The following PTPRD variants were observed in gnomAD, a reference collection of about 807,000 sequenced individuals.
PTPRD encodes the protein protein tyrosine phosphatase receptor type D.
A neutral mutation model predicts 214.5 loss-of-function variants in PTPRD; 34 were observed. The observed-to-expected ratio is 0.16, with a 90% CI of 0.12 to 0.21. The LOEUF is 0.21. Among genes scored for constraint, PTPRD ranks in the 10% least tolerant of loss-of-function variants. PTPRD has a pLI of 1.00. For missense variants in PTPRD, 2,545 were observed against 2,398.7 expected (o/e 1.06, Z -1.27); for synonymous variants, 1,128 against 845.7 (o/e 1.33, Z -5.79).
At chr9:10,152,300 G>C (rs2099066291) in intron 3 of PTPRD, among the ~76,000 whole-genome samples, 1 of 151,930 alleles carries the variant, frequency 6.6e-6, no homozygotes, top group African/African-American at 2.4e-5. Context: ...TTTTTATGTG[G>C]TTATATATTA....
At chr9:9,205,811 C>T (rs2099944517) in intron 9 of PTPRD, among the ~76,000 whole-genome samples, 1 of 152,120 alleles carries the variant, frequency 6.6e-6, no homozygotes, top group African/African-American at 2.4e-5. Flanking sequence ...GAAGATTGTA[C>T]ATGCAGCAGT....
intron 3 of PTPRD, among the ~76,000 whole-genome samples, chr9:10,209,124 T>G (rs1394553676): frequency 6.6e-6 from 1 of 152,162 alleles, no homozygotes; most frequent in Non-Finnish European, 1.5e-5. Flanking sequence ...ACAATATTAT[T>G]TATGAAATTG....
At chr9:9,554,645 C>T (rs1187604364) in intron 8 of PTPRD, among the ~76,000 whole-genome samples, 3 of 151,994 alleles carry the variant, frequency 2.0e-5, no homozygotes, top group Admixed American at 2.0e-4. Context: ...GAAATGAACA[C>T]TTGAGGCTTG....
chr9:8,498,093 A>G (rs1317124365), intron 25 of PTPRD, among the ~76,000 whole-genome samples: 6 of 152,126 alleles, frequency 3.9e-5, no homozygotes, highest in Admixed American at 6.5e-5. Context: ...ACGAAGCACT[A>G]CTGCATTTAC....
chr9:10,510,205 C>T (rs2047520997), intron 2 of PTPRD, among the ~76,000 whole-genome samples: 1 of 152,036 alleles, frequency 6.6e-6, no homozygotes, highest in Non-Finnish European at 1.5e-5. Context: ...TCCTTTCTTT[C>T]CCATACCACT....
At chr9:10,406,670 G>A (rs1268110657) in intron 2 of PTPRD, among the ~76,000 whole-genome samples, 1 of 151,604 alleles carries the variant, frequency 6.6e-6, no homozygotes, top group African/African-American at 2.4e-5. Flanking sequence ...TATGACAGAA[G>A]AATTTTCACT....
At chr9:8,680,890 C>G (rs1336880400) in intron 12 of PTPRD, among the ~76,000 whole-genome samples, 1 of 152,128 alleles carries the variant, frequency 6.6e-6, no homozygotes, top group Non-Finnish European at 1.5e-5. Flanking sequence ...CCTCACGGGA[C>G]TGATTTGAGT....
At chr9:9,105,329 T>C (rs745871773) in intron 10 of PTPRD, among the ~76,000 whole-genome samples, 23 of 120,348 alleles carry the variant, frequency 1.9e-4, no homozygotes, top group Admixed American at 1.4e-3. Context: ...TTATGCATTG[T>C]TGATTTTGTT....
intron 35 of PTPRD, among the ~76,000 whole-genome samples, chr9:8,426,502 T>G (rs1463163334): frequency 3.9e-5 from 6 of 152,180 alleles, no homozygotes; most frequent in African/African-American, 1.4e-4. Flanking sequence ...AAAGCTTGCT[T>G]TGGAAGCAGA....
At chr9:9,612,750 G>C (rs73641337) in intron 7 of PTPRD, among the ~76,000 whole-genome samples, 37,921 of 151,928 alleles carry the variant, frequency 0.25, 4,979 homozygotes, top group Non-Finnish European at 0.28. Flanking sequence ...AATTCTTCAA[G>C]AGCAGCCTCT....
chr9:8,463,869 G>T (rs901755395), intron 32 of PTPRD, among the ~76,000 whole-genome samples: 1 of 151,768 alleles, frequency 6.6e-6, no homozygotes, highest in Non-Finnish European at 1.5e-5. Flanking sequence ...TTACACAAAG[G>T]CTTTATTACT....
At chr9:9,766,391 A>C (rs2098707290) in intron 6 of PTPRD, among the ~76,000 whole-genome samples, 1 of 152,094 alleles carries the variant, frequency 6.6e-6, no homozygotes, top group Non-Finnish European at 1.5e-5. Flanking sequence ...TTTTAATTCT[A>C]AATGTATTTC....
chr9:10,409,445 T>C (rs929754928), intron 2 of PTPRD, among the ~76,000 whole-genome samples: 4 of 151,752 alleles, frequency 2.6e-5, no homozygotes, highest in Non-Finnish European at 5.9e-5. Context: ...ATCACTCAAT[T>C]TGTCAAAAAT....
At chr9:8,899,330 T>C (rs867657348) in intron 11 of PTPRD, among the ~76,000 whole-genome samples, 1 of 152,192 alleles carries the variant, frequency 6.6e-6, no homozygotes, top group Non-Finnish European at 1.5e-5. Context: ...TAATGGACTC[T>C]GTGTTCCCGT....
intron 14 of PTPRD, among the ~76,000 whole-genome samples, chr9:8,542,655 C>G (rs1212639766): frequency 6.6e-6 from 1 of 152,260 alleles, no homozygotes; most frequent in East Asian, 1.9e-4. Context: ...GAGCACAGCA[C>G]TAAGTACAAA....
intron 5 of PTPRD, among the ~76,000 whole-genome samples, chr9:9,770,230 G>C (rs2098741205): frequency 6.6e-6 from 1 of 152,204 alleles, no homozygotes; most frequent in South Asian, 2.1e-4. Context: ...CACCAAAAGT[G>C]TAAAAGCGTT....
intron 5 of PTPRD, among the ~76,000 whole-genome samples, chr9:9,814,787 CA>C (rs1428312589): frequency 2.8e-5 from 4 of 140,470 alleles, no homozygotes; most frequent in Non-Finnish European, 6.0e-5. Context: ...CTCCAAATAC[CA>C]AAGTGACTTT....
chr9:9,624,454 T>C (rs914240283), intron 7 of PTPRD, among the ~76,000 whole-genome samples: 1 of 151,978 alleles, frequency 6.6e-6, no homozygotes, highest in Admixed American at 6.6e-5. Context: ...GGCTAATTTT[T>C]TTTTTGTATT....
chr9:8,724,292 AT>A (rs1354186963), intron 12 of PTPRD, among the ~76,000 whole-genome samples: 2 of 152,316 alleles, frequency 1.3e-5, no homozygotes, highest in East Asian at 3.9e-4. Context: ...TTCACTCTAA[AT>A]TTTAACAATC....
Sources: gnomAD v4.1 joint callset for allele counts (sites outside exome capture counted in the v4.1 genomes callset) on GRCh38, gnomAD v4.1.1 for gene constraint, MANE v1.5 for transcripts, NCBI Gene and HGNC (gene_info 2026-07-23, HGNC 2026-07-21) for gene names.